CNTN4: variants seen among roughly 807,000 people sequenced by gnomAD.
CNTN4 encodes the protein contactin-4.
Under a neutral mutation model 122.5 loss-of-function variants are expected in CNTN4, and 77 were observed. That is an observed-to-expected ratio of 0.63 (90% confidence interval 0.52 to 0.76). The LOEUF (loss-of-function observed/expected upper bound fraction) is 0.76. CNTN4 is among the 30% of genes least tolerant of loss of function. CNTN4 has a pLI of 0.00. For synonymous variants in CNTN4, 512 were observed against 447.0 expected (o/e 1.15, Z -1.83); for missense variants, 1,256 against 1,259.1 (o/e 1.00, Z 0.04).
intron 14 of CNTN4, among the ~76,000 whole-genome samples, chr3:3,008,626 T>C (rs1009601739): frequency 6.6e-6 from 1 of 152,212 alleles, no homozygotes; most frequent in Non-Finnish European, 1.5e-5. Context: ...CCCTAAGTCG[T>C]TCCGTGTCTA....
chr3:2,221,478 C>T (rs753191218), intron 2 of CNTN4, among the ~76,000 whole-genome samples: 14 of 150,426 alleles, frequency 9.3e-5, no homozygotes, highest in Non-Finnish European at 1.3e-4. Context: ...ATCTTTATGA[C>T]GTTGGATTAG....
intron 2 of CNTN4, among the ~76,000 whole-genome samples, chr3:2,200,849 G>A (rs551835709): frequency 3.9e-5 from 6 of 152,116 alleles, no homozygotes; most frequent in Non-Finnish European, 8.8e-5. Context: ...CAGTAGAGAA[G>A]CAGAGAAGAA....
In CNTN4 at chr3:3,056,502, ATATT is replaced by A. The variant is rs1701810559; in HGVS notation, c.*285_*288del. On this transcript the variant is annotated 3_prime_UTR_variant, in exon 25 of 25. Coordinates refer to ENST00000418658, the MANE Select transcript of CNTN4 (RefSeq NM_175607.3). ...TCCTTATATGCATATTTTTTATTAT[ATATT>A]TAGTGTTTTATAGAATTTTTTAAAG... 2 of 204,800 alleles carry A rather than the reference ATATT, an allele frequency of 9.8e-6. No individual in the cohort carries two copies. The highest frequency in any genetic ancestry group is 1.2e-4 in the South Asian group (1 of 8,222). The allele number at this position is 204,800 out of a possible 1,614,324, so 12.7% of individuals were successfully genotyped here.
At chr3:2,335,935 G>A (rs2043937678) in intron 2 of CNTN4, among the ~76,000 whole-genome samples, 1 of 152,130 alleles carries the variant, frequency 6.6e-6, no homozygotes, top group Non-Finnish European at 1.5e-5. Context: ...ATACATTTAA[G>A]GAGCACCTGT....
intron 3 of CNTN4, among the ~76,000 whole-genome samples, chr3:2,552,165 T>C (rs1487863757): frequency 6.6e-6 from 1 of 152,174 alleles, no homozygotes. Context: ...AATGGGTTCA[T>C]AGATCTAGGC....
intron 13 of CNTN4, among the ~76,000 whole-genome samples, chr3:2,956,741 G>C (rs1331466224): frequency 6.6e-6 from 1 of 151,974 alleles, no homozygotes; most frequent in East Asian, 1.9e-4. Flanking sequence ...CCCCGGAATT[G>C]TTCATCTTAT....
At chr3:2,559,547 A>G (rs539722289) in intron 3 of CNTN4, among the ~76,000 whole-genome samples, 1 of 152,086 alleles carries the variant, frequency 6.6e-6, no homozygotes, top group Non-Finnish European at 1.5e-5. Flanking sequence ...TTGTATTGTA[A>G]CTGACCCATA....
chr3:2,660,723 T>C (rs2083845329), intron 4 of CNTN4, among the ~76,000 whole-genome samples: 1 of 152,268 alleles, frequency 6.6e-6, no homozygotes, highest in Admixed American at 6.5e-5. Context: ...TTTGGTTACC[T>C]ACTCTTTGCA....
At chr3:2,372,517 G>C (rs529349342) in intron 3 of CNTN4, among the ~76,000 whole-genome samples, 5 of 152,182 alleles carry the variant, frequency 3.3e-5, no homozygotes, top group Non-Finnish European at 7.4e-5. Context: ...GGACATAGTT[G>C]AAATTTGACA....
chr3:2,184,129 A>C (rs1265496688), intron 2 of CNTN4, among the ~76,000 whole-genome samples: 1 of 151,878 alleles, frequency 6.6e-6, no homozygotes, highest in African/African-American at 2.4e-5. Flanking sequence ...ACACCATCAC[A>C]CGTGGCTAAT....
chr3:2,850,911 T>C (rs2150651416), intron 7 of CNTN4, among the ~76,000 whole-genome samples: 1 of 152,318 alleles, frequency 6.6e-6, no homozygotes, highest in African/African-American at 2.4e-5. Context: ...TAATCATTAA[T>C]GTTTACAGTT....
rs576493500 is a variant in CNTN4, at chr3:2,462,338, C to T, written c.-88-109078C>T. On this transcript the variant is annotated intron_variant, in intron 3 of 24. Coordinates refer to ENST00000418658, the MANE Select transcript of CNTN4 (RefSeq NM_175607.3). ...AGACTAGCATTGTGCCCAGCAAGAG[C>T]CAATGGGGGCTCATTAATTATTACA... 4.6e-5 allele frequency among the ~76,000 whole-genome samples: 7 copies of T among 152,144 alleles called. No individual in the cohort carries two copies. The Middle Eastern group carries it at 0.017, about 370-fold the overall frequency.
chr3:2,680,204 A>G (rs2150478189), intron 4 of CNTN4, among the ~76,000 whole-genome samples: 2 of 152,312 alleles, frequency 1.3e-5, no homozygotes, highest in South Asian at 2.1e-4. Flanking sequence ...TAGATACATG[A>G]ACCCATCTCT....
At chr3:2,166,068 A>G (rs1182917714) in intron 2 of CNTN4, among the ~76,000 whole-genome samples, 1 of 152,172 alleles carries the variant, frequency 6.6e-6, no homozygotes, top group Admixed American at 6.5e-5. Context: ...ATATATACCC[A>G]GAAGTGGAAT....
chr3:2,735,287 G>A (rs143059371), intron 4 of CNTN4, among the ~76,000 whole-genome samples: 213 of 152,316 alleles, frequency 1.4e-3, no homozygotes, highest in South Asian at 6.8e-3. Flanking sequence ...TTCCATGGGC[G>A]TAAGCGGCGA....
intron 4 of CNTN4, among the ~76,000 whole-genome samples, chr3:2,669,383 G>A (rs1576401158): frequency 6.6e-6 from 1 of 152,198 alleles, no homozygotes; most frequent in South Asian, 2.1e-4. Flanking sequence ...TTGCATAGAG[G>A]TGTTTATAGT....
At chr3:2,953,480 A>T (rs1230823468) in intron 13 of CNTN4, among the ~76,000 whole-genome samples, 1 of 148,812 alleles carries the variant, frequency 6.7e-6, no homozygotes, top group South Asian at 2.1e-4. Context: ...CCATTTGTCT[A>T]TTGGGTCCTC....
intron 2 of CNTN4, among the ~76,000 whole-genome samples, chr3:2,172,713 G>A (rs752717304): frequency 2.6e-5 from 4 of 152,176 alleles, no homozygotes; most frequent in Non-Finnish European, 5.9e-5. Context: ...CAGGACAACT[G>A]CTCTAGCTGC....
intron 4 of CNTN4, among the ~76,000 whole-genome samples, chr3:2,607,385 C>T (rs2081301006): frequency 6.6e-6 from 1 of 151,896 alleles, no homozygotes; most frequent in South Asian, 2.1e-4. Context: ...GTAGAAGCAA[C>T]CTAACTGTCC....
Sources: gnomAD v4.1 joint callset for allele counts (sites outside exome capture counted in the v4.1 genomes callset) on GRCh38, gnomAD v4.1.1 for gene constraint, MANE v1.5 for transcripts, NCBI Gene and HGNC (gene_info 2026-07-23, HGNC 2026-07-21) for gene names.